The following TDG variants were observed in gnomAD, a reference collection of about 807,000 sequenced individuals.
TDG encodes G/T mismatch-specific thymine DNA glycosylase.
TDG carries 23 observed loss-of-function variants against 46.1 expected under a neutral mutation model. That is an observed-to-expected ratio of 0.50 (90% CI 0.36 to 0.71). The LOEUF (loss-of-function observed/expected upper bound fraction) is 0.71. TDG is among the 30% of genes least tolerant of loss of function. The pLI, the probability that TDG is intolerant of heterozygous loss-of-function variation, is 0.00. For missense variants in TDG, 304 were observed against 486.7 expected, an observed-to-expected ratio of 0.62 and a Z score of 3.53; for synonymous variants, 115 against 161.3, an observed-to-expected ratio of 0.71 and a Z score of 2.18.
intron 7 of TDG, among the ~76,000 whole-genome samples, chr12:103,983,669 A>G (rs1424862132): frequency 6.6e-6 from 1 of 152,232 alleles, no homozygotes; most frequent in Non-Finnish European, 1.5e-5. Flanking sequence ...TTCAGAATAC[A>G]TTTAATGGCA....
chr12:103,982,018 A>G (rs1222717604), intron 4 of TDG, among the ~76,000 whole-genome samples: 4 of 129,384 alleles, frequency 3.1e-5, no homozygotes, highest in Admixed American at 2.3e-4. Context: ...TGTATCACAA[A>G]AACAAACAAG....
At chr12:103,972,877 T>C (rs1208283525) in intron 1 of TDG, 5 of 600,294 alleles carry the variant, frequency 8.3e-6, no homozygotes, top group Admixed American at 2.9e-5. Context: ...CCTCCGACTA[T>C]ACTAAAAGTT....
chr12:103,970,762 TTAAAAAAA>T (rs1432691204), intron 1 of TDG, among the ~76,000 whole-genome samples: 2 of 151,630 alleles, frequency 1.3e-5, no homozygotes, highest in African/African-American at 2.4e-5. Context: ...AAAAAAATAA[TTAAAAAAA>T]TAAAAAAATA....
At position 103,976,919 on chromosome 12, in the gene TDG, T is replaced by C. The variant is rs749223703; in HGVS notation, c.25T>C (p.Tyr9His). The C allele has an allele frequency of 1.2e-6, 2 of 1,613,604 alleles. No individual in the cohort carries two copies. Among genetic ancestry groups the C allele is most frequent in the Non-Finnish European group, 1.7e-6 (2 of 1,179,886 alleles). ...TCTCATGCTTCATTATTCTTTCAGC[T>C]ATTCCCTTCAGCAAGCTCAAGCTTT... The part of the protein sequence containing the change: MEAENAGS[Y>H]SLQQAQAFYT... The change falls in exon 2 of 10, where the codon TAT (tyrosine) becomes CAT (histidine). Residue 9 changes from tyrosine (Y) to histidine (H), a missense_variant and splice_region_variant. Transcript: ENST00000392872.
At chr12:103,966,143 G>A (rs552223193) in intron 1 of TDG, 83 bp downstream of exon 1, 1 of 1,404,380 alleles carries the variant, frequency 7.1e-7, no homozygotes, top group Admixed American at 3.1e-5. Context: ...GCACGCAGGG[G>A]TCTTTTAAAT....
chr12:103,981,586 A>C (rs1176220355), intron 4 of TDG, among the ~76,000 whole-genome samples: 1 of 152,176 alleles, frequency 6.6e-6, no homozygotes, highest in Non-Finnish European at 1.5e-5. Flanking sequence ...ATCTATAGGC[A>C]TAGTAACGAT....
chr12:103,982,584 T>C (rs543630819), intron 4 of TDG, among the ~76,000 whole-genome samples: 3 of 152,136 alleles, frequency 2.0e-5, no homozygotes, highest in Non-Finnish European at 4.4e-5. Flanking sequence ...CTGGGCAACA[T>C]GGTGAAACCC....
At chr12:103,975,381 G>A (rs903553354) in intron 1 of TDG, among the ~76,000 whole-genome samples, 20 of 152,148 alleles carry the variant, frequency 1.3e-4, no homozygotes, top group African/African-American at 4.8e-4. Flanking sequence ...TTGTGTTGCT[G>A]TTTCAGAATG....
Position 103,983,395 on chromosome 12 carries a change from T to C in TDG, c.792+6T>C. On this transcript the variant is annotated splice_donor_region_variant and intron_variant, in intron 7 of 9. Transcript: ENST00000392872. ...AGATTCCAGACACAGAAACTGTAAG[T>C]CCCTAAAATTGAATTTGTAAATCAG... 1 of 1,503,104 alleles carries C rather than the reference T, an allele frequency of 6.7e-7. No individual in the cohort carries two copies. The highest frequency in any genetic ancestry group is 9.0e-7 in the Non-Finnish European group (1 of 1,115,460). 93.1% of individuals were successfully genotyped at this position (1,503,104 alleles called of 1,614,324 possible).
At chr12:103,967,540 T>C (rs1593505436) in intron 1 of TDG, among the ~76,000 whole-genome samples, 1 of 144,538 alleles carries the variant, frequency 6.9e-6, no homozygotes, top group South Asian at 2.2e-4. Flanking sequence ...CACTGCAACC[T>C]CCATCACCCG....
At chr12:103,980,589 T>A (rs540330509) in intron 3 of TDG, 34 of 292,862 alleles carry the variant, frequency 1.2e-4, no homozygotes, top group African/African-American at 7.3e-4. Context: ...GATTGATTGT[T>A]CCAGGACCTG....
chr12:103,984,988 T>TATATATACAC (rs1310439882), intron 8 of TDG, 68 bp downstream of exon 8: 5 of 1,276,488 alleles, frequency 3.9e-6, no homozygotes, highest in Non-Finnish European at 3.1e-6. Context: ...TACTTACATA[T>TATATATACAC]ATATACACAT....
intron 8 of TDG, 48 bp downstream of exon 8, chr12:103,984,968 TAC>T: frequency 7.0e-7 from 1 of 1,428,228 alleles, no homozygotes; most frequent in Non-Finnish European, 9.3e-7. Flanking sequence ...TGTGTATATA[TAC>T]ACATATATAC....
At chr12:103,972,015 T>C (rs1308117043) in intron 1 of TDG, among the ~76,000 whole-genome samples, 1 of 152,244 alleles carries the variant, frequency 6.6e-6, no homozygotes, top group Non-Finnish European at 1.5e-5. Context: ...ACGATCATTA[T>C]GCATACACAA....
intron 2 of TDG, among the ~76,000 whole-genome samples, chr12:103,978,552 G>A (rs1566180913): frequency 6.6e-6 from 1 of 152,214 alleles, no homozygotes; most frequent in South Asian, 2.1e-4. Context: ...GGCATAGGGA[G>A]TGGCTAAGAC....
chr12:103,966,240 A>T (rs1306013293), intron 1 of TDG, among the ~76,000 whole-genome samples, 180 bp downstream of exon 1: 7 of 152,136 alleles, frequency 4.6e-5, no homozygotes, highest in African/African-American at 1.4e-4. Context: ...GTGGTGGTGG[A>T]GGTCGGGGCT....
chr12:103,979,707 A>C, intron 2 of TDG, 124 bp from the exon 3 acceptor site: 2 of 1,223,382 alleles, frequency 1.6e-6, no homozygotes, highest in East Asian at 5.0e-5. Flanking sequence ...TCATGTTGGG[A>C]CTGTAAGAGC....
At chr12:103,972,931 C>T (rs1425511089) in intron 1 of TDG, 12 of 693,232 alleles carry the variant, frequency 1.7e-5, no homozygotes, top group African/African-American at 7.1e-5. Context: ...GTAATGTGAA[C>T]GGTGTCTCCC....
intron 1 of TDG, among the ~76,000 whole-genome samples, chr12:103,971,903 T>C (rs1299156295): frequency 6.6e-6 from 1 of 152,188 alleles, no homozygotes; most frequent in Non-Finnish European, 1.5e-5. Context: ...GGTGAGGGAA[T>C]GGATACCCCG....
Sources: gnomAD v4.1 joint callset for allele counts (sites outside exome capture counted in the v4.1 genomes callset) on GRCh38, gnomAD v4.1.1 for gene constraint, MANE v1.5 for transcripts, NCBI Gene and HGNC (gene_info 2026-07-23, HGNC 2026-07-21) for gene names.